COPB1: variants seen among roughly 807,000 people sequenced by gnomAD.
COPB1 encodes the protein coat protein complex I subunit beta 1, also known as coatomer subunit beta.
A neutral mutation model predicts 108.7 loss-of-function variants in COPB1; 21 were observed. That is an observed-to-expected ratio of 0.19 (90% CI 0.14 to 0.28). COPB1 has a LOEUF of 0.28. COPB1 is among the 10% of genes least tolerant of loss of function. COPB1 has a pLI of 1.00. For synonymous variants in COPB1, 378 were observed against 386.8 expected, an observed-to-expected ratio of 0.98 and a Z score of 0.27; for missense variants, 919 against 1,141.3, an observed-to-expected ratio of 0.81 and a Z score of 2.81.
intron 7 of COPB1, among the ~76,000 whole-genome samples, chr11:14,486,117 A>C (rs1196962760): frequency 6.6e-6 from 1 of 152,134 alleles, no homozygotes; most frequent in East Asian, 1.9e-4. Flanking sequence ...GGACCTGCGC[A>C]GTTCGAACCT....
chr11:14,483,182 G>A, intron 7 of COPB1, 31 bp from the exon 8 acceptor site: 1 of 1,472,910 alleles, frequency 6.8e-7, no homozygotes, highest in African/African-American at 1.4e-5. Context: ...ATTTTAAGAA[G>A]TTATTCATCT....
chr11:14,484,255 C>T (rs550777828), intron 7 of COPB1, among the ~76,000 whole-genome samples: 16 of 152,112 alleles, frequency 1.1e-4, no homozygotes, highest in Non-Finnish European at 1.8e-4. Context: ...ATATGGGATC[C>T]TAGGTTAGAT....
chr11:14,457,592 G>T lies in COPB1; in HGVS notation c.*232C>A. 1 of 382,092 alleles carries T rather than the reference G, an allele frequency of 2.6e-6. No homozygotes were observed. The highest frequency in any genetic ancestry group is 4.9e-6 in the Non-Finnish European group (1 of 203,480). 23.7% of individuals were successfully genotyped at this position (382,092 alleles called of 1,614,324 possible). On this transcript the variant is annotated 3_prime_UTR_variant, in exon 22 of 22. Coordinates refer to ENST00000439561, the MANE Select transcript of COPB1 (RefSeq NM_001144061.2). ...TTATTGTACTGTGAAAAGGGTCTTGGTACATGAAACATTATATACTTTGAG... is the reference window on the plus strand; with the variant it reads ...TTATTGTACTGTGAAAAGGGTCTTGTTACATGAAACATTATATACTTTGAG...
At chr11:14,477,501 G>C (rs1403762802) in intron 11 of COPB1, among the ~76,000 whole-genome samples, 4 of 150,142 alleles carry the variant, frequency 2.7e-5, no homozygotes, top group African/African-American at 9.8e-5. Context: ...AAACCAGCCT[G>C]GGCAACATGG....
chr11:14,458,521 G>C lies in COPB1; in HGVS notation c.2802+11C>G. 6.3e-7 allele frequency: 1 copy of C among 1,594,916 alleles called. No individual in the cohort carries two copies. ...GTCCAGAGATACTCTCAAAAAAAAA[G>C]GAACTGTTACCTGGCTCTTTGCACG... On this transcript the variant is annotated intron_variant, in intron 21 of 21. Coordinates refer to ENST00000439561, the MANE Select transcript of COPB1 (RefSeq NM_001144061.2).
intron 12 of COPB1, 39 bp downstream of exon 12, chr11:14,476,880 A>T (rs771052699): frequency 7.6e-7 from 1 of 1,319,388 alleles, no homozygotes; most frequent in South Asian, 1.2e-5. Flanking sequence ...TAAAGGAAAA[A>T]TTACCATATA....
chr11:14,486,591 T>C (rs1850781789), intron 6 of COPB1, 87 bp from the exon 7 acceptor site: 1 of 1,513,402 alleles, frequency 6.6e-7, no homozygotes, highest in African/African-American at 1.4e-5. Flanking sequence ...GCTTATGGGA[T>C]GCTAGTTTTC....
chr11:14,490,948 C>T (rs1479364933), intron 4 of COPB1, among the ~76,000 whole-genome samples: 2 of 152,014 alleles, frequency 1.3e-5, no homozygotes, highest in African/African-American at 4.8e-5. Context: ...CACCACTATG[C>T]CCAGCTAATT....
intron 18 of COPB1, among the ~76,000 whole-genome samples, chr11:14,462,299 C>G (rs1429748971): frequency 2.0e-5 from 3 of 148,768 alleles, no homozygotes; most frequent in Non-Finnish European, 4.4e-5. Context: ...GTGGCACAAT[C>G]TCAGCTCACT....
Position 14,476,914 on chromosome 11 carries a change from C to A in COPB1, c.1455+5G>T. Reference sequence around the variant, plus strand: ...TAAACTAACATTTACTAAAGTAAAACATACCTCTCCAAGGGACCTGCGGAT... The same window carrying A: ...TAAACTAACATTTACTAAAGTAAAAAATACCTCTCCAAGGGACCTGCGGAT... On this transcript the variant is annotated splice_donor_5th_base_variant and intron_variant, in intron 12 of 21. Transcript: ENST00000439561. 2 of 1,577,646 alleles carry A rather than the reference C, an allele frequency of 1.3e-6. No individual in the cohort carries two copies. The highest frequency in any genetic ancestry group is 1.7e-6 in the Non-Finnish European group (2 of 1,147,394).
At chr11:14,472,513 G>T (rs1406883493) in intron 14 of COPB1, among the ~76,000 whole-genome samples, 1 of 152,228 alleles carries the variant, frequency 6.6e-6, no homozygotes, top group Non-Finnish European at 1.5e-5. Context: ...GTTACTGGTT[G>T]TATTAGCCCT....
chr11:14,484,490 C>T (rs921597889), intron 7 of COPB1, among the ~76,000 whole-genome samples: 5 of 152,234 alleles, frequency 3.3e-5, no homozygotes, highest in Admixed American at 1.3e-4. Context: ...GAGGTCGAGG[C>T]GGGTGGATCA....
Position 14,457,843 on chromosome 11 carries a change from T to G in COPB1, c.2843A>C (p.Gln948Pro). ...LSLGDKINLS[Q>P]KKTSI The stretch of plus-strand genomic sequence containing the variant: ...TTATTTTTATATACTAGTTTTCTTC[T>G]GTGACAAGTTGATTTTATCTCCAAG... Residue 948 changes from glutamine to proline, a missense_variant, in exon 22 of 22, where the codon CAG becomes CCG. Around this residue, in one of 5 missense-constraint regions of COPB1, gnomAD observed 705 missense variants for 817.8 expected, o/e 0.86. Transcript: ENST00000439561. 1 of 1,591,000 alleles carries G rather than the reference T, an allele frequency of 6.3e-7. No individual in the cohort carries two copies. The highest frequency in any genetic ancestry group is 8.6e-7 in the Non-Finnish European group (1 of 1,162,942).
rs373697504 is a variant in COPB1, at chr11:14,494,451, ATT to A, written c.92-14_92-13del. ...TACATCTCCTTTTTCTGAATCAAAA[ATT>A]TTTTTAAAAAAAAGCACAATTATTT... On this transcript the variant is annotated splice_polypyrimidine_tract_variant and intron_variant, in intron 2 of 21. Transcript: ENST00000439561. 0.099 allele frequency: 132,644 copies of A among 1,345,550 alleles called. 7,113 individuals are homozygous for A. The highest frequency in any genetic ancestry group is 0.2 in the African/African-American group (13,404 of 67,372). 83.4% of individuals were successfully genotyped at this position (1,345,550 alleles called of 1,614,324 possible). A position where few individuals can be genotyped will look rare whatever the true frequency, so the allele number is the denominator to read the frequency against.
At chr11:14,489,084 G>T (rs2134123080) in intron 5 of COPB1, among the ~76,000 whole-genome samples, 1 of 152,304 alleles carries the variant, frequency 6.6e-6, no homozygotes, top group Admixed American at 6.5e-5. Context: ...GCATTGGTCA[G>T]TAAAACCAAT....
At chr11:14,477,088 T>A in intron 11 of COPB1, 73 bp from the exon 12 acceptor site, 1 of 1,100,614 alleles carries the variant, frequency 9.1e-7, no homozygotes, top group Non-Finnish European at 1.4e-6. Context: ...TTTGTTAATT[T>A]AAGCTCAAAT....
At chr11:14,489,975 A>T (rs1850859223) in intron 5 of COPB1, among the ~76,000 whole-genome samples, 1 of 152,318 alleles carries the variant, frequency 6.6e-6, no homozygotes, top group Non-Finnish European at 1.5e-5. Flanking sequence ...GAGGACTGGA[A>T]GGCCTCCATA....
At chr11:14,467,132 A>G in intron 16 of COPB1, among the ~76,000 whole-genome samples, 1 of 152,166 alleles carries the variant, frequency 6.6e-6, no homozygotes, top group Non-Finnish European at 1.5e-5. Context: ...ATATTTGCAA[A>G]TCATGTATCT....
intron 4 of COPB1, among the ~76,000 whole-genome samples, chr11:14,492,749 T>C (rs572803724): frequency 1.3e-5 from 2 of 152,344 alleles, no homozygotes; most frequent in South Asian, 4.1e-4. Flanking sequence ...AGTACAAAGA[T>C]GCTTATAAAA....
Sources: gnomAD v4.1 joint callset for allele counts (sites outside exome capture counted in the v4.1 genomes callset) on GRCh38, gnomAD v4.1.1 for gene constraint, gnomAD v4.1.1 regional missense constraint, MANE v1.5 for transcripts, NCBI Gene and HGNC (gene_info 2026-07-23, HGNC 2026-07-21) for gene names.